Variants in LOC128462377 observed in about 807,000 individuals in gnomAD.
the LOC128462377 span, among the ~76,000 whole-genome samples, chr16:89,389,858 GAAAGA>G: frequency 1.5e-5 from 2 of 133,502 alleles, no homozygotes; most frequent in Non-Finnish European, 3.2e-5. Flanking sequence ...AGCACCGAGA[GAAAGA>G]AGATCACTGG....
At chr16:89,377,337 G>A in the LOC128462377 span, among the ~76,000 whole-genome samples, 4 of 152,174 alleles carry the variant, frequency 2.6e-5, no homozygotes, top group Non-Finnish European at 2.9e-5. Context: ...CATTGTTATA[G>A]AGAAAGCCAT....
chr16:89,366,129 C>CAAAAAAAAAAAAAAA, the LOC128462377 span, among the ~76,000 whole-genome samples: 1 of 60,458 alleles, frequency 1.7e-5, no homozygotes, highest in Admixed American at 1.6e-4. Flanking sequence ...GACTCCATCT[C>CAAAAAAAAAAAAAAA]AAAAAAAAAA....
chr16:89,389,351 T>A, the LOC128462377 span, among the ~76,000 whole-genome samples: 1 of 152,002 alleles, frequency 6.6e-6, no homozygotes, highest in Non-Finnish European at 1.5e-5. Context: ...ACCTAAAATT[T>A]TTCAAAAATA....
chr16:89,338,823 C>A, the LOC128462377 span, among the ~76,000 whole-genome samples: 2 of 151,544 alleles, frequency 1.3e-5, no homozygotes, highest in African/African-American at 2.4e-5. Flanking sequence ...GAAAATCAGC[C>A]AGGCAAAACA....
chr16:89,335,964 T>A, the LOC128462377 span, among the ~76,000 whole-genome samples: 1 of 152,188 alleles, frequency 6.6e-6, no homozygotes, highest in African/African-American at 2.4e-5. Flanking sequence ...GCAACATGCT[T>A]CAAGATGCCC....
the LOC128462377 span, chr16:89,370,620 ACT>A: frequency 1.3e-5 from 2 of 152,470 alleles, no homozygotes; most frequent in African/African-American, 4.8e-5. Flanking sequence ...CAAATGACCG[ACT>A]GAAGCCTAGG....
chr16:89,413,068 G>C, the LOC128462377 span, among the ~76,000 whole-genome samples: 2 of 152,174 alleles, frequency 1.3e-5, no homozygotes, highest in Admixed American at 6.5e-5. Context: ...AGCCTGGAGG[G>C]GGAGGGAGTA....
chr16:89,367,463 A>G, the LOC128462377 span, among the ~76,000 whole-genome samples: 1 of 152,042 alleles, frequency 6.6e-6, no homozygotes, highest in Non-Finnish European at 1.5e-5. Context: ...GTCTCAGGGG[A>G]GCGACGCTCT....
the LOC128462377 span, among the ~76,000 whole-genome samples, chr16:89,397,262 C>T: frequency 6.6e-6 from 1 of 152,236 alleles, no homozygotes; most frequent in African/African-American, 2.4e-5. Context: ...AGGCATCCAC[C>T]TCCAGGACAG....
At chr16:89,366,493 A>G in the LOC128462377 span, among the ~76,000 whole-genome samples, 1 of 152,112 alleles carries the variant, frequency 6.6e-6, no homozygotes, top group African/African-American at 2.4e-5. Flanking sequence ...AGCATCTGTT[A>G]TTTTTTAACC....
chr16:89,403,406 C>G, the LOC128462377 span, among the ~76,000 whole-genome samples: 1 of 152,160 alleles, frequency 6.6e-6, no homozygotes, highest in East Asian at 1.9e-4. Flanking sequence ...AGAGCACACG[C>G]AGGTGAGGGC....
chr16:89,338,581 T>C, the LOC128462377 span, among the ~76,000 whole-genome samples: 1 of 151,496 alleles, frequency 6.6e-6, no homozygotes, highest in African/African-American at 2.4e-5. Context: ...AAAAATTAGC[T>C]GGGCGTGGTG....
chr16:89,378,871 G>A, the LOC128462377 span, among the ~76,000 whole-genome samples: 1 of 152,170 alleles, frequency 6.6e-6, no homozygotes, highest in South Asian at 2.1e-4. Context: ...GGTGGGGCGA[G>A]GTGGGGAAGG....
the LOC128462377 span, among the ~76,000 whole-genome samples, chr16:89,381,229 G>A: frequency 6.6e-6 from 1 of 151,920 alleles, no homozygotes; most frequent in Non-Finnish European, 1.5e-5. Context: ...CCACTGGGGA[G>A]GCTGAGGCAG....
chr16:89,362,148 G>A, the LOC128462377 span, among the ~76,000 whole-genome samples: 23 of 152,256 alleles, frequency 1.5e-4, no homozygotes, highest in Non-Finnish European at 2.4e-4. Context: ...CTTAACAAAT[G>A]TGAGTGGATT....
the LOC128462377 span, among the ~76,000 whole-genome samples, chr16:89,319,194 C>G: frequency 6.6e-6 from 1 of 152,264 alleles, no homozygotes; most frequent in Non-Finnish European, 1.5e-5. Context: ...ACACACTCAA[C>G]AGCTCTGGCG....
At chr16:89,343,564 A>G in the LOC128462377 span, 2 of 152,252 alleles carry the variant, frequency 1.3e-5, no homozygotes, top group African/African-American at 4.8e-5. Context: ...CACGCGAAAC[A>G]CAGTGCCTCC....
chr16:89,344,431 G>C, the LOC128462377 span, among the ~76,000 whole-genome samples: 1 of 152,164 alleles, frequency 6.6e-6, no homozygotes, highest in South Asian at 2.1e-4. Context: ...GCCAACACGG[G>C]CCACTGCTGT....
the LOC128462377 span, among the ~76,000 whole-genome samples, chr16:89,399,414 C>T: frequency 1.9e-3 from 296 of 152,280 alleles, 4 homozygotes; most frequent in African/African-American, 6.5e-3. Flanking sequence ...TCTCCAAGGA[C>T]TACACGCTGT....
Sources: gnomAD v4.1 joint callset for allele counts (sites outside exome capture counted in the v4.1 genomes callset) on GRCh38, gnomAD v4.1.1 for gene constraint, MANE v1.5 for transcripts.